The following UST variants were observed in gnomAD, a reference collection of about 807,000 sequenced individuals.
UST encodes uronyl 2-sulfotransferase, also known as chondroitin sulfate 2-O-sulfotransferase.
UST carries 21 observed loss-of-function variants against 45.6 expected under a neutral mutation model. That is an observed-to-expected ratio of 0.46 (90% confidence interval 0.33 to 0.66). The LOEUF (loss-of-function observed/expected upper bound fraction) is 0.66, where lower values mean the gene tolerates loss of function less well. Ranked by LOEUF, UST falls within the 30% of genes least tolerant of loss-of-function variation. The pLI is 0.02. For synonymous variants in UST, 215 were observed against 200.6 expected, an observed-to-expected ratio of 1.07 and a Z score of -0.61; for missense variants, 463 against 512.4, an observed-to-expected ratio of 0.90 and a Z score of 0.93.
intron 5 of UST, among the ~76,000 whole-genome samples, chr6:148,974,586 G>C (rs1396314993): frequency 6.6e-6 from 1 of 152,136 alleles, no homozygotes; most frequent in Non-Finnish European, 1.5e-5. Flanking sequence ...GGTCTTAACT[G>C]GCTACAAAAT....
At chr6:148,947,738 C>T (rs955891737) in intron 3 of UST, among the ~76,000 whole-genome samples, 2 of 152,060 alleles carry the variant, frequency 1.3e-5, no homozygotes, top group Non-Finnish European at 2.9e-5. Context: ...CAGAACTTCC[C>T]GACTTTATAG....
At chr6:148,869,071 T>C (rs1304207093) in intron 1 of UST, among the ~76,000 whole-genome samples, 3 of 152,202 alleles carry the variant, frequency 2.0e-5, no homozygotes, top group African/African-American at 7.2e-5. Context: ...GTCCAATAAG[T>C]AGATCACTAC....
chr6:149,061,010 C>A (rs533046125), intron 7 of UST, among the ~76,000 whole-genome samples: 1 of 152,108 alleles, frequency 6.6e-6, no homozygotes, highest in African/African-American at 2.4e-5. Flanking sequence ...GAAGAGGGCT[C>A]TGGTCAGCGC....
intron 1 of UST, among the ~76,000 whole-genome samples, chr6:148,871,500 C>T (rs1355136343): frequency 6.6e-6 from 1 of 152,218 alleles, no homozygotes; most frequent in Non-Finnish European, 1.5e-5. Flanking sequence ...GCTAGCATTT[C>T]ACTCACATTG....
chr6:148,784,942 G>A (rs896815791), intron 1 of UST, among the ~76,000 whole-genome samples: 1 of 152,200 alleles, frequency 6.6e-6, no homozygotes, highest in African/African-American at 2.4e-5. Context: ...GGGCGCAGTG[G>A]CTCGTGCCTG....
chr6:148,920,609 A>G (rs188026906), intron 2 of UST, among the ~76,000 whole-genome samples: 4,429 of 152,186 alleles, frequency 0.029, 226 homozygotes, highest in African/African-American at 0.1. Context: ...GCTCACTGCA[A>G]TCTCAACCTC....
chr6:149,039,892 A>G (rs1776287887), intron 7 of UST, among the ~76,000 whole-genome samples: 1 of 152,108 alleles, frequency 6.6e-6, no homozygotes. Flanking sequence ...ACTTCCATCA[A>G]AAGTCGTGAC....
chr6:148,850,427 T>G (rs1778081682), intron 1 of UST, among the ~76,000 whole-genome samples: 2 of 152,202 alleles, frequency 1.3e-5, no homozygotes, highest in South Asian at 4.1e-4. Context: ...CCAGCACATT[T>G]CATCTACGGA....
intron 1 of UST, among the ~76,000 whole-genome samples, chr6:148,871,962 C>T (rs1176598142): frequency 6.6e-6 from 1 of 152,184 alleles, no homozygotes; most frequent in Non-Finnish European, 1.5e-5. Context: ...CTTAACCTCT[C>T]ATTGCTTTGA....
At chr6:148,862,992 G>A (rs918069148) in intron 1 of UST, among the ~76,000 whole-genome samples, 2 of 152,066 alleles carry the variant, frequency 1.3e-5, no homozygotes, top group Non-Finnish European at 2.9e-5. Context: ...TGCTCTTCTC[G>A]AGGAGTATCT....
chr6:148,766,046 C>T (rs1465225342), intron 1 of UST, among the ~76,000 whole-genome samples: 1 of 151,988 alleles, frequency 6.6e-6, no homozygotes, highest in Non-Finnish European at 1.5e-5. Flanking sequence ...TTGTTGAGGG[C>T]TTTTATCATG....
chr6:148,864,932 T>C (rs925618984), intron 1 of UST, among the ~76,000 whole-genome samples: 1 of 152,220 alleles, frequency 6.6e-6, no homozygotes, highest in Non-Finnish European at 1.5e-5. Context: ...ATTTTTAAAA[T>C]GTGGTGTGCA....
intron 5 of UST, among the ~76,000 whole-genome samples, chr6:148,985,545 G>A (rs746397542): frequency 3.3e-5 from 5 of 152,090 alleles, no homozygotes; most frequent in East Asian, 1.9e-4. Flanking sequence ...AATAGAAAAC[G>A]TAACCATTAG....
intron 5 of UST, among the ~76,000 whole-genome samples, chr6:148,970,701 G>A (rs1780897843): frequency 6.6e-6 from 1 of 152,178 alleles, no homozygotes; most frequent in Non-Finnish European, 1.5e-5. Flanking sequence ...GAGACCTAGA[G>A]CCACTTCCAG....
chr6:148,774,816 C>T (rs528769122), intron 1 of UST, among the ~76,000 whole-genome samples: 6 of 152,230 alleles, frequency 3.9e-5, no homozygotes, highest in Middle Eastern at 3.4e-3. Flanking sequence ...GTCAGGAGTT[C>T]GAAACCAGCC....
Position 148,858,652 on chromosome 6 carries a change from C to T in UST, c.248-28334C>T, listed in dbSNP as rs151272500. On this transcript the variant is annotated intron_variant, in intron 1 of 7. Transcript: ENST00000367463. ...CCTAATGCTATCCCTCCCCCCTTGC[C>T]CCACCCCACAACAGGCCCGGGCGTG... is the stretch of plus-strand genomic sequence containing the variant. 1.4e-4 allele frequency among the ~76,000 whole-genome samples: 22 copies of T among 152,226 alleles called. No homozygotes were observed. In the East Asian group the frequency reaches 3.5e-3, roughly 24 times the overall value.
At chr6:148,954,601 T>TA (rs1780443861) in intron 4 of UST, among the ~76,000 whole-genome samples, 1 of 152,166 alleles carries the variant, frequency 6.6e-6, no homozygotes, top group Non-Finnish European at 1.5e-5. Flanking sequence ...CTCTACAGCA[T>TA]AGTTACGCAG....
At chr6:148,939,098 GA>G (rs1424035661) in intron 2 of UST, among the ~76,000 whole-genome samples, 1 of 152,002 alleles carries the variant, frequency 6.6e-6, no homozygotes, top group Admixed American at 6.6e-5. Context: ...GAAACTAAGA[GA>G]AGAATTCTAT....
At chr6:148,872,551 A>G (rs1014931285) in intron 1 of UST, among the ~76,000 whole-genome samples, 9 of 152,220 alleles carry the variant, frequency 5.9e-5, no homozygotes, top group Non-Finnish European at 1.2e-4. Context: ...GACAAAAAAT[A>G]AAAAATCATT....
Sources: allele counts gnomAD v4.1 joint callset (sites outside exome capture counted in the v4.1 genomes callset), GRCh38; gene constraint gnomAD v4.1.1; transcripts MANE v1.5; gene names NCBI Gene and HGNC (gene_info 2026-07-23, HGNC 2026-07-21).